Variants in ZSWIM5 observed in about 807,000 individuals in gnomAD.
The protein encoded by ZSWIM5 is zinc finger SWIM domain-containing protein 5.
ZSWIM5 carries 55 observed loss-of-function variants against 119.6 expected under a neutral mutation model. That is an observed-to-expected ratio of 0.46 (90% CI 0.37 to 0.58). The LOEUF is 0.58. Among genes scored for constraint, ZSWIM5 ranks in the 20% least tolerant of loss-of-function variants. ZSWIM5 has a pLI of 0.00. For missense variants in ZSWIM5, 1,193 were observed against 1,512.8 expected, an observed-to-expected ratio of 0.79 and a Z score of 3.51; for synonymous variants, 537 against 606.9, an observed-to-expected ratio of 0.88 and a Z score of 1.69.
At chr1:45,155,562 G>T (rs559011295) in intron 1 of ZSWIM5, among the ~76,000 whole-genome samples, 5 of 152,238 alleles carry the variant, frequency 3.3e-5, no homozygotes, top group African/African-American at 4.8e-5. Context: ...ACACAAAAAA[G>T]AAACTTGCAC....
intron 1 of ZSWIM5, among the ~76,000 whole-genome samples, chr1:45,195,532 T>TA (rs926548370): frequency 0.016 from 2,310 of 148,718 alleles, 34 homozygotes; most frequent in African/African-American, 0.037. Context: ...TGTGCCCAGT[T>TA]AAAAAAAAAA....
intron 5 of ZSWIM5, among the ~76,000 whole-genome samples, chr1:45,046,519 G>A (rs569163520): frequency 9.9e-5 from 15 of 152,274 alleles, no homozygotes; most frequent in East Asian, 1.9e-4. Flanking sequence ...GCAGGTTTGC[G>A]TGGGGCTTGA....
intron 1 of ZSWIM5, among the ~76,000 whole-genome samples, chr1:45,135,119 TTC>T (rs773335235): frequency 9.9e-4 from 49 of 49,646 alleles, no homozygotes; most frequent in South Asian, 3.8e-3. Flanking sequence ...CATACGGTAA[TTC>T]TGTTTTTTTT....
At chr1:45,100,385 AAAC>A (rs1269457657) in intron 1 of ZSWIM5, among the ~76,000 whole-genome samples, 43 of 152,286 alleles carry the variant, frequency 2.8e-4, no homozygotes, top group African/African-American at 9.4e-4. Flanking sequence ...ACCACTGCTC[AAAC>A]AAAATAAAAG....
intron 4 of ZSWIM5, among the ~76,000 whole-genome samples, chr1:45,054,447 T>C (rs1353736800): frequency 6.6e-6 from 1 of 151,896 alleles, no homozygotes; most frequent in Non-Finnish European, 1.5e-5. Context: ...CCGGGCGTGG[T>C]GGTGCGCGCC....
chr1:45,179,444 A>G (rs1191491628), intron 1 of ZSWIM5, among the ~76,000 whole-genome samples: 2 of 152,124 alleles, frequency 1.3e-5, no homozygotes, highest in Admixed American at 1.3e-4. Flanking sequence ...TGAATACAAC[A>G]TAGGGAAGGG....
At chr1:45,163,609 A>C (rs1645879078) in intron 1 of ZSWIM5, among the ~76,000 whole-genome samples, 1 of 152,206 alleles carries the variant, frequency 6.6e-6, no homozygotes. Flanking sequence ...ACTAGAATAA[A>C]CAGCATAGAG....
At chr1:45,073,249 ATTTTTTTTTTT>A (rs58448888) in intron 2 of ZSWIM5, among the ~76,000 whole-genome samples, 5 of 56,052 alleles carry the variant, frequency 8.9e-5, no homozygotes, top group Non-Finnish European at 1.6e-4. Flanking sequence ...TTGCTACTGA[ATTTTTTTTTTT>A]TTTTTTTTTT....
At chr1:45,162,277 A>C (rs551925735) in intron 1 of ZSWIM5, among the ~76,000 whole-genome samples, 2 of 152,342 alleles carry the variant, frequency 1.3e-5, no homozygotes, top group Admixed American at 1.3e-4. Context: ...CAATCACCTG[A>C]GGTCAGGAGT....
At chr1:45,068,792 C>CTTTTTTT (rs758235271) in intron 2 of ZSWIM5, among the ~76,000 whole-genome samples, 5 of 46,754 alleles carry the variant, frequency 1.1e-4, no homozygotes, top group Admixed American at 3.8e-4. Context: ...TGTTGTATGT[C>CTTTTTTT]TTTTTTTTTT....
At chr1:45,105,190 G>A (rs1377997024) in intron 1 of ZSWIM5, among the ~76,000 whole-genome samples, 2 of 152,284 alleles carry the variant, frequency 1.3e-5, no homozygotes, top group Admixed American at 6.5e-5. Flanking sequence ...GGCCTCGGGT[G>A]ATCTCCCCGC....
intron 1 of ZSWIM5, among the ~76,000 whole-genome samples, chr1:45,182,429 A>G (rs1646027274): frequency 6.6e-6 from 1 of 151,330 alleles, no homozygotes; most frequent in African/African-American, 2.4e-5. Context: ...CAAACAAACA[A>G]ACAAACAAAA....
intron 1 of ZSWIM5, among the ~76,000 whole-genome samples, chr1:45,155,306 C>A (rs1645820647): frequency 1.3e-5 from 2 of 151,984 alleles, no homozygotes; most frequent in East Asian, 1.9e-4. Flanking sequence ...CAGAAAAATG[C>A]AAATCAAAAC....
At chr1:45,022,739 C>T (rs1282806800) in intron 11 of ZSWIM5, among the ~76,000 whole-genome samples, 1 of 152,132 alleles carries the variant, frequency 6.6e-6, no homozygotes, top group Non-Finnish European at 1.5e-5. Context: ...ATACAGAAAT[C>T]CCTCAGCACC....
chr1:45,096,421 G>C (rs1645401874), intron 1 of ZSWIM5, among the ~76,000 whole-genome samples: 1 of 148,084 alleles, frequency 6.8e-6, no homozygotes. Flanking sequence ...TGGTGGACCT[G>C]GTAGATAACT....
chr1:45,146,333 G>A (rs995756107), intron 1 of ZSWIM5, among the ~76,000 whole-genome samples: 1 of 141,268 alleles, frequency 7.1e-6, no homozygotes, highest in African/African-American at 2.6e-5. Context: ...CTACCATGTT[G>A]TAACCATAGT....
In ZSWIM5 at chr1:45,186,542, T is replaced by A. The variant is rs749583235; in HGVS notation, c.595+19214A>T. ...AATTGGAAAAAGACATGGAAAGAGA[T>A]TCTTTCCAAGAAAAGCCTCTAGATG... On this transcript the variant is annotated intron_variant, in intron 1 of 13. Transcript: ENST00000359600. Among the ~76,000 whole-genome samples, 266 of 151,792 alleles carry A rather than the reference T, an allele frequency of 1.8e-3. 1 individual carries two copies. The highest frequency in any genetic ancestry group is 3.9e-3 in the Admixed American group (60 of 15,238).
At chr1:45,171,354 T>TA (rs1256716050) in intron 1 of ZSWIM5, among the ~76,000 whole-genome samples, 2 of 152,118 alleles carry the variant, frequency 1.3e-5, no homozygotes, top group African/African-American at 4.8e-5. Flanking sequence ...CTCAAAAAAT[T>TA]AATTTTATAT....
chr1:45,118,219 C>T lies in ZSWIM5; in HGVS notation c.596-29982G>A, dbSNP rs938534833. Among the ~76,000 whole-genome samples, 10 of 152,190 alleles carry T rather than the reference C, an allele frequency of 6.6e-5. 1 individual carries two copies. The South Asian group carries it at 1.4e-3, about 22-fold the overall frequency. On this transcript the variant is annotated intron_variant, in intron 1 of 13. Transcript: ENST00000359600. ...GCTTTAAAGTACAACTAACTCCACA[C>T]GCATTGCCAGACAATCATTAAGAAA...
Sources: gnomAD v4.1 joint callset for allele counts (sites outside exome capture counted in the v4.1 genomes callset) on GRCh38, gnomAD v4.1.1 for gene constraint, MANE v1.5 for transcripts, NCBI Gene and HGNC (gene_info 2026-07-23, HGNC 2026-07-21) for gene names.